Variants in CCNB3 observed in about 807,000 individuals in gnomAD.
The protein encoded by CCNB3 is G2/mitotic-specific cyclin-B3.
In CCNB3, 12 loss-of-function variants were observed where a neutral mutation model predicts 68.0. That is an observed-to-expected ratio of 0.18 (90% CI 0.11 to 0.29). CCNB3 has a LOEUF of 0.29. Among genes scored for constraint, CCNB3 ranks in the 10% least tolerant of loss-of-function variants. The pLI is 1.00. For synonymous variants in CCNB3, 354 were observed against 388.9 expected (o/e 0.91, Z 1.06); for missense variants, 904 against 993.1 (o/e 0.91, Z 1.21).
At chrX:50,226,003 A>T (rs1163755807) in intron 1 of CCNB3, among the ~76,000 whole-genome samples, 1 of 93,755 alleles carries the variant, frequency 1.1e-5, no homozygotes, top group Non-Finnish European at 2.1e-5. Flanking sequence ...ATATATAAAT[A>T]TATATAGAAT....
At chrX:50,226,236 TATATATATAGA>T (rs1292692833) in intron 1 of CCNB3, among the ~76,000 whole-genome samples, 3 of 65,004 alleles carry the variant, frequency 4.6e-5, no homozygotes, top group Non-Finnish European at 7.7e-5. Flanking sequence ...TATATATATT[TATATATATAGA>T]ATATATATAT....
chrX:50,299,118 G>A (rs868993032), intron 5 of CCNB3, among the ~76,000 whole-genome samples: 1 of 111,453 alleles, frequency 9.0e-6, no homozygotes, highest in Non-Finnish European at 1.9e-5. Context: ...AGGGATTTTT[G>A]TGTCTCTATT....
At chrX:50,279,593 T>C (rs1454033663) in intron 1 of CCNB3, among the ~76,000 whole-genome samples, 1 of 88,755 alleles carries the variant, frequency 1.1e-5, no homozygotes, top group Non-Finnish European at 2.1e-5. Flanking sequence ...TATATATTCA[T>C]ATGTAAATGT....
At chrX:50,325,081 GGTACAATGATCATTA>G (rs1922228199) in intron 8 of CCNB3, among the ~76,000 whole-genome samples, 2 of 109,007 alleles carry the variant, frequency 1.8e-5, no homozygotes, top group African/African-American at 6.7e-5. Context: ...TTCTCTATAG[GGTACAATGATCATTA>G]TATCAATTTT....
intron 8 of CCNB3, among the ~76,000 whole-genome samples, chrX:50,324,322 C>T (rs182843184): frequency 2.0e-3 from 222 of 112,373 alleles, no homozygotes; most frequent in Non-Finnish European, 2.9e-3. Context: ...GCCAGGATTA[C>T]AGGTGTGAGC....
chrX:50,311,645 G>A (rs1921468150), intron 6 of CCNB3, 149 bp downstream of exon 6: 1 of 448,045 alleles, frequency 2.2e-6, no homozygotes, highest in Non-Finnish European at 3.7e-6. Context: ...GCCATATATA[G>A]TAAGTTATTG....
chrX:50,304,572 C>A (rs187643910), intron 5 of CCNB3, among the ~76,000 whole-genome samples: 4 of 111,807 alleles, frequency 3.6e-5, no homozygotes, highest in Non-Finnish European at 7.5e-5. Flanking sequence ...CTAGGCAGTA[C>A]CATTCAGGAC....
intron 1 of CCNB3, among the ~76,000 whole-genome samples, chrX:50,212,919 C>T (rs1303502282): frequency 9.0e-6 from 1 of 111,317 alleles, no homozygotes; most frequent in African/African-American, 3.3e-5. Flanking sequence ...CATACAGGCA[C>T]CTTCTGCCTA....
At position 50,346,667 on chromosome X, in the gene CCNB3, C is replaced by G. The variant is rs782145357; in HGVS notation, c.3670C>G (p.Arg1224Gly). 9.1e-6 allele frequency: 11 copies of G among 1,210,165 alleles called. No homozygotes were observed. Among genetic ancestry groups the G allele is most frequent in the Non-Finnish European group, 1.2e-5 (11 of 894,661 alleles). Reference sequence around the variant, plus strand: ...CCACCCATAGGAGCACAACTCACCTCGTGTGGATGACTTTGTGTACATCTG... The same window carrying G: ...CCACCCATAGGAGCACAACTCACCTGGTGTGGATGACTTTGTGTACATCTG... ...AAKFEEHNSP[R>G]VDDFVYICDD... is the part of the protein sequence containing the mutation. The change falls in exon 10 of 13, where the codon CGT (arginine) becomes GGT (glycine). Residue 1224 changes from arginine to glycine, a missense_variant. This residue lies in a region of CCNB3 where 285 missense variants were observed against 383.4 expected (regional missense o/e 0.74). Coordinates refer to ENST00000376042, the MANE Select transcript of CCNB3 (RefSeq NM_033031.3).
At chrX:50,347,360 G>A (rs1457504304) in intron 10 of CCNB3, among the ~76,000 whole-genome samples, 1 of 110,050 alleles carries the variant, frequency 9.1e-6, no homozygotes, top group African/African-American at 3.3e-5. Flanking sequence ...TATAGCAAGG[G>A]GGGATGTGGG....
chrX:50,349,124 G>T (rs1363998787), intron 11 of CCNB3, among the ~76,000 whole-genome samples: 1 of 112,691 alleles, frequency 8.9e-6, no homozygotes, highest in Admixed American at 9.4e-5. Flanking sequence ...CACAGAAGAG[G>T]TGACTTTTGA....
chrX:50,326,471 G>T (rs1922302016), intron 8 of CCNB3, among the ~76,000 whole-genome samples: 1 of 111,340 alleles, frequency 9.0e-6, no homozygotes. Context: ...CTCTTCGTGT[G>T]TGTATGTGTG....
At chrX:50,282,437 C>T in intron 1 of CCNB3, among the ~76,000 whole-genome samples, 1 of 111,944 alleles carries the variant, frequency 8.9e-6, no homozygotes, top group Non-Finnish European at 1.9e-5. Context: ...AGCCCTGCTG[C>T]CCCTTTGTTT....
At chrX:50,301,940 G>A (rs1490936233) in intron 5 of CCNB3, among the ~76,000 whole-genome samples, 4 of 112,760 alleles carry the variant, frequency 3.5e-5, no homozygotes, top group African/African-American at 9.7e-5. Context: ...AGCCATGTGC[G>A]GGATATAATC....
chrX:50,344,808 C>T (rs1923317257), intron 9 of CCNB3, among the ~76,000 whole-genome samples: 1 of 111,760 alleles, frequency 8.9e-6, no homozygotes, highest in Non-Finnish European at 1.9e-5. Context: ...ACCTTTTCTT[C>T]ATGACCATAA....
At chrX:50,212,649 C>T (rs1278913377) in intron 1 of CCNB3, among the ~76,000 whole-genome samples, 2 of 110,732 alleles carry the variant, frequency 1.8e-5, no homozygotes, top group Non-Finnish European at 1.9e-5. Flanking sequence ...AAACCTTATA[C>T]CCTTTATCTA....
At chrX:50,286,864 G>A (rs752171593) in intron 3 of CCNB3, among the ~76,000 whole-genome samples, 1 of 111,436 alleles carries the variant, frequency 9.0e-6, no homozygotes, top group South Asian at 3.7e-4. Flanking sequence ...TGGCCCGAAC[G>A]GTCTCAATCA....
At position 50,309,905 on chromosome X, in the gene CCNB3, C is replaced by T. The variant is rs1921320151; in HGVS notation, c.1736C>T (p.Thr579Ile). 1 of 1,208,544 alleles carries T rather than the reference C, an allele frequency of 8.3e-7. No homozygotes were observed. Among genetic ancestry groups the T allele is most frequent in the Admixed American group, 2.2e-5 (1 of 45,691 alleles). ...SFRKNPTTEE[T>I]VLTKTSLSLQ... is the part of the protein sequence containing the mutation. Reference sequence around the variant, plus strand: ...AGGAAGAACCCTACAACTGAGGAGACAGTACTTACCAAGACATCGTTGTCT... The same window carrying T: ...AGGAAGAACCCTACAACTGAGGAGATAGTACTTACCAAGACATCGTTGTCT... Residue 579 changes from threonine (T) to isoleucine (I), a missense_variant, in exon 6 of 13, where the codon ACA (threonine) becomes ATA (isoleucine). By Grantham distance (89) the Thr-to-Ile change is moderately conservative. Coordinates refer to ENST00000376042, the MANE Select transcript of CCNB3 (RefSeq NM_033031.3).
chrX:50,300,962 G>A (rs1365979359), intron 5 of CCNB3, among the ~76,000 whole-genome samples: 2 of 111,057 alleles, frequency 1.8e-5, no homozygotes, highest in East Asian at 5.6e-4. Context: ...CGTAGTTCTC[G>A]TGCCATGGTT....
Sources: gnomAD v4.1 joint callset for allele counts (sites outside exome capture counted in the v4.1 genomes callset) on GRCh38, gnomAD v4.1.1 for gene constraint, gnomAD v4.1.1 regional missense constraint, MANE v1.5 for transcripts, NCBI Gene and HGNC (gene_info 2026-07-23, HGNC 2026-07-21) for gene names.